Variants in TMCC1 observed in about 807,000 individuals in gnomAD.
The protein encoded by TMCC1 is transmembrane and coiled-coil domain family 1.
A neutral mutation model predicts 52.4 loss-of-function variants in TMCC1; 15 were observed. The observed-to-expected ratio is 0.29, with a 90% CI of 0.19 to 0.44. The LOEUF (loss-of-function observed/expected upper bound fraction) is 0.44, where lower values mean the gene tolerates loss of function less well. Among genes scored for constraint, TMCC1 ranks in the 20% least tolerant of loss-of-function variants. The pLI, the probability that TMCC1 is intolerant of heterozygous loss-of-function variation, is 1.00. For missense variants in TMCC1, 503 were observed against 806.0 expected (o/e 0.62, Z 4.55); for synonymous variants, 279 against 301.9 (o/e 0.92, Z 0.79).
intron 4 of TMCC1, among the ~76,000 whole-genome samples, chr3:129,817,929 TAGCCACTGG>T: frequency 6.6e-6 from 1 of 152,254 alleles, no homozygotes; most frequent in East Asian, 1.9e-4. Flanking sequence ...TCTCCTGCTG[TAGCCACTGG>T]ACTAGCTGGG....
chr3:129,763,460 C>T (rs1002708403), intron 4 of TMCC1, among the ~76,000 whole-genome samples: 8 of 140,484 alleles, frequency 5.7e-5, no homozygotes, highest in South Asian at 2.3e-4. Context: ...GTGGGAGAAT[C>T]GCCTGAACCC....
intron 4 of TMCC1, among the ~76,000 whole-genome samples, chr3:129,783,608 A>T (rs1011060235): frequency 5.3e-5 from 8 of 152,090 alleles, no homozygotes; most frequent in African/African-American, 1.9e-4. Context: ...TAAGTATTTG[A>T]TAGTTGCAAA....
chr3:129,840,372 A>G (rs2059370402), intron 2 of TMCC1, among the ~76,000 whole-genome samples: 1 of 151,646 alleles, frequency 6.6e-6, no homozygotes, highest in Non-Finnish European at 1.5e-5. Context: ...TCGGTCCACA[A>G]GAAGCCTGCT....
intron 4 of TMCC1, chr3:129,794,353 G>A (rs891825529): frequency 1.3e-5 from 6 of 456,076 alleles, no homozygotes; most frequent in Admixed American, 2.4e-5. Context: ...AGGCTAAAGC[G>A]CTGAACCATG....
At chr3:129,873,144 ATCC>A (rs2061011788) in intron 2 of TMCC1, among the ~76,000 whole-genome samples, 1 of 151,984 alleles carries the variant, frequency 6.6e-6, no homozygotes, top group African/African-American at 2.4e-5. Context: ...CAGGTGATCC[ATCC>A]ACCTCAGTCT....
At chr3:129,746,232 G>A (rs1033241316) in intron 4 of TMCC1, among the ~76,000 whole-genome samples, 9 of 151,952 alleles carry the variant, frequency 5.9e-5, no homozygotes, top group South Asian at 2.1e-4. Context: ...GTGCAGTGGC[G>A]TGATCTCAGC....
At chr3:129,780,798 A>G (rs368112209) in intron 4 of TMCC1, among the ~76,000 whole-genome samples, 158 of 152,158 alleles carry the variant, frequency 1.0e-3, no homozygotes, top group African/African-American at 3.4e-3. Context: ...TTCATGGATC[A>G]TTTACTCTAA....
intron 4 of TMCC1, among the ~76,000 whole-genome samples, chr3:129,763,824 T>C (rs1223919299): frequency 6.6e-6 from 1 of 150,834 alleles, no homozygotes; most frequent in Non-Finnish European, 1.5e-5. Flanking sequence ...AGACTCTGTC[T>C]CAAATAAATA....
At chr3:129,759,650 T>A (rs1274234140) in intron 4 of TMCC1, among the ~76,000 whole-genome samples, 4 of 140,238 alleles carry the variant, frequency 2.9e-5, no homozygotes, top group Non-Finnish European at 4.6e-5. Context: ...CAAGTGATCC[T>A]CCTGCCTCAG....
At chr3:129,700,285 C>T (rs912612443) in intron 4 of TMCC1, among the ~76,000 whole-genome samples, 1 of 151,830 alleles carries the variant, frequency 6.6e-6, no homozygotes, top group African/African-American at 2.4e-5. Context: ...CTAAATAAAT[C>T]TGGGTAATAA....
At chr3:129,747,261 T>C (rs1229406043) in intron 4 of TMCC1, among the ~76,000 whole-genome samples, 1 of 152,094 alleles carries the variant, frequency 6.6e-6, no homozygotes, top group Non-Finnish European at 1.5e-5. Context: ...ATGAAAACTA[T>C]GCATTCTTTC....
chr3:129,750,980 G>A (rs959055758), intron 4 of TMCC1, among the ~76,000 whole-genome samples: 4 of 151,542 alleles, frequency 2.6e-5, no homozygotes, highest in Non-Finnish European at 4.4e-5. Flanking sequence ...CAGGCAGATC[G>A]CTTGAGCCCA....
chr3:129,727,867 G>A (rs1469526464), intron 4 of TMCC1, among the ~76,000 whole-genome samples: 1 of 152,136 alleles, frequency 6.6e-6, no homozygotes, highest in East Asian at 1.9e-4. Context: ...ACAGAGACTT[G>A]TTAAGTTCTT....
chr3:129,731,154 T>C (rs962039650), intron 4 of TMCC1, among the ~76,000 whole-genome samples: 1 of 152,188 alleles, frequency 6.6e-6, no homozygotes, highest in Non-Finnish European at 1.5e-5. Flanking sequence ...GTATCAGGAA[T>C]GCAATGCTGG....
chr3:129,739,007 G>C (rs1174265532), intron 4 of TMCC1, among the ~76,000 whole-genome samples: 1 of 151,918 alleles, frequency 6.6e-6, no homozygotes, highest in Non-Finnish European at 1.5e-5. Flanking sequence ...TGTAGAGATG[G>C]GGTTTTGCCA....
intron 2 of TMCC1, among the ~76,000 whole-genome samples, chr3:129,868,499 C>T (rs755273946): frequency 6.6e-6 from 1 of 152,118 alleles, no homozygotes; most frequent in African/African-American, 2.4e-5. Context: ...AGTGCAGTGG[C>T]GCAATCTTGG....
Position 129,715,667 on chromosome 3 carries a change from C to A in TMCC1, c.577-44403G>T, listed in dbSNP as rs529235978. ...TTTTCCTGTTAAAAGTAATCTCCTT[C>A]TAGTTCTCTGTACTTCTAAACTTTC... On this transcript the variant is annotated intron_variant, in intron 4 of 6. Transcript: ENST00000393238. 2.0e-5 allele frequency among the ~76,000 whole-genome samples: 3 copies of A among 152,296 alleles called. No homozygotes were observed. The South Asian group carries it at 6.2e-4, about 32-fold the overall frequency.
At chr3:129,674,665 T>C (rs1394033215) in intron 4 of TMCC1, among the ~76,000 whole-genome samples, 2 of 152,074 alleles carry the variant, frequency 1.3e-5, no homozygotes, top group Admixed American at 1.3e-4. Flanking sequence ...AGGAAAACAG[T>C]CGTGATATAC....
chr3:129,878,360 T>C (rs989463037), intron 2 of TMCC1, among the ~76,000 whole-genome samples: 1 of 152,162 alleles, frequency 6.6e-6, no homozygotes, highest in Non-Finnish European at 1.5e-5. Context: ...TTCAGTCTTC[T>C]CCATCTCAAT....
Sources: allele counts gnomAD v4.1 joint callset (sites outside exome capture counted in the v4.1 genomes callset), GRCh38; gene constraint gnomAD v4.1.1; transcripts MANE v1.5; gene names NCBI Gene and HGNC (gene_info 2026-07-23, HGNC 2026-07-21).